The following HIKESHI variants were observed in gnomAD, a reference collection of about 807,000 sequenced individuals.
The protein encoded by HIKESHI is heat shock protein nuclear import factor hikeshi, also known as protein Hikeshi.
In HIKESHI, 13 loss-of-function variants were observed where a neutral mutation model predicts 25.7. The ratio of observed to expected loss-of-function variants is 0.51; its 90% CI spans 0.33 to 0.80. The LOEUF (loss-of-function observed/expected upper bound fraction) is 0.80. Among genes scored for constraint, HIKESHI ranks in the 30% least tolerant of loss-of-function variants. The pLI is 0.02. For missense variants in HIKESHI, 174 were observed against 229.5 expected, an observed-to-expected ratio of 0.76 and a Z score of 1.56; for synonymous variants, 76 against 78.7, an observed-to-expected ratio of 0.97 and a Z score of 0.18.
chr11:86,335,733 A>G lies in HIKESHI; in HGVS notation c.269-1646A>G, dbSNP rs373782572. Among the ~76,000 whole-genome samples the G allele has an allele frequency of 1.1e-4, 16 of 152,354 alleles. No individual in the cohort carries two copies. In the South Asian group the frequency reaches 2.9e-3, roughly 28 times the overall value. ...CACTGGCCACACATAACAAAGAAAC[A>G]GACTTTACAAAATTAGTTCAGATAA... On this transcript the variant is annotated intron_variant, in intron 2 of 4. Transcript: ENST00000278483.
intron 2 of HIKESHI, among the ~76,000 whole-genome samples, chr11:86,319,145 C>T (rs1310977004): frequency 6.6e-6 from 1 of 150,560 alleles, no homozygotes; most frequent in Non-Finnish European, 1.5e-5. Context: ...TTCCTGGCCT[C>T]AGGTGATCCT....
At chr11:86,306,224 G>T (rs778911484) in intron 1 of HIKESHI, 21 bp from the exon 2 acceptor site, 1 of 1,544,264 alleles carries the variant, frequency 6.5e-7, no homozygotes, top group Non-Finnish European at 8.9e-7. Context: ...ATTGAACTGA[G>T]ACAAGTTTCT....
intron 2 of HIKESHI, among the ~76,000 whole-genome samples, chr11:86,317,665 G>A (rs1947024601): frequency 6.6e-6 from 1 of 152,008 alleles, no homozygotes; most frequent in South Asian, 2.1e-4. Context: ...AATTAGCTTG[G>A]TGTGGTGGTG....
chr11:86,308,229 AT>A (rs1480573986), intron 2 of HIKESHI, among the ~76,000 whole-genome samples: 6 of 139,164 alleles, frequency 4.3e-5, no homozygotes, highest in South Asian at 4.3e-4. Flanking sequence ...TACATATAAA[AT>A]ATATATTATA....
intron 3 of HIKESHI, among the ~76,000 whole-genome samples, chr11:86,340,274 G>A (rs1401365875): frequency 1.3e-5 from 2 of 152,178 alleles, no homozygotes; most frequent in Non-Finnish European, 2.9e-5. Context: ...CCAGTAATGG[G>A]ATCACTGGGT....
At chr11:86,320,656 T>C (rs1947123191) in intron 2 of HIKESHI, among the ~76,000 whole-genome samples, 1 of 152,230 alleles carries the variant, frequency 6.6e-6, no homozygotes, top group African/African-American at 2.4e-5. Context: ...ACACAGTTAA[T>C]TGCACATATT....
intron 2 of HIKESHI, among the ~76,000 whole-genome samples, chr11:86,326,882 G>A (rs1331669733): frequency 6.6e-6 from 1 of 152,176 alleles, no homozygotes; most frequent in African/African-American, 2.4e-5. Context: ...TCATGCTAAT[G>A]TGGGGTTTAA....
intron 2 of HIKESHI, among the ~76,000 whole-genome samples, chr11:86,336,522 C>G (rs914965197): frequency 6.6e-6 from 1 of 152,088 alleles, no homozygotes; most frequent in African/African-American, 2.4e-5. Flanking sequence ...ACTGTCTGAA[C>G]CAGAAAATGG....
intron 2 of HIKESHI, among the ~76,000 whole-genome samples, chr11:86,308,150 GTATAAAATATATATTACA>G (rs1251922280): frequency 5.2e-4 from 24 of 46,334 alleles, no homozygotes; most frequent in African/African-American, 1.4e-3. Context: ...AATATATATT[GTATAAAATATATATTACA>G]TATAAAATAT....
chr11:86,338,434 A>T (rs1418979815), intron 3 of HIKESHI, among the ~76,000 whole-genome samples: 1 of 152,218 alleles, frequency 6.6e-6, no homozygotes, highest in Non-Finnish European at 1.5e-5. Flanking sequence ...ATATGGGTAC[A>T]GATTCAGGAG....
Position 86,302,422 on chromosome 11 carries a change from T to A in HIKESHI, c.-27T>A, listed in dbSNP as rs1418355213. ...CTCCTAGTCGCCGGCTTCAGGTCACTGCCGGCTGAACGGAGCTGCCGTCGC... is the reference window on the plus strand; with the variant it reads ...CTCCTAGTCGCCGGCTTCAGGTCACAGCCGGCTGAACGGAGCTGCCGTCGC... On this transcript the variant is annotated 5_prime_UTR_variant, in exon 1 of 5. Coordinates refer to ENST00000278483, the MANE Select transcript of HIKESHI (RefSeq NM_016401.4). 6.4e-7 allele frequency: 1 copy of A among 1,551,786 alleles called. No homozygotes were observed. The highest frequency in any genetic ancestry group is 1.4e-5 in the African/African-American group (1 of 73,090).
At position 86,306,281 on chromosome 11, in the gene HIKESHI, T is replaced by C; in HGVS notation, c.67T>C (p.Phe23Leu). The C allele has an allele frequency of 6.2e-7, 1 of 1,613,902 alleles. No individual in the cohort carries two copies. Among genetic ancestry groups the C allele is most frequent in the Non-Finnish European group, 8.5e-7 (1 of 1,179,792 alleles). Reference protein sequence around the residue: ...TAAQQVAEDKFVFDLPDYESI... With the variant: ...TAAQQVAEDKLVFDLPDYESI... Reference sequence around the variant, plus strand: ...TGCACAGCAAGTGGCAGAGGATAAATTTGTTTTTGACTTACCTGATTATGA... The same window carrying C: ...TGCACAGCAAGTGGCAGAGGATAAACTTGTTTTTGACTTACCTGATTATGA... The change falls in exon 2 of 5, where the codon TTT (phenylalanine) becomes CTT (leucine). Residue 23 changes from phenylalanine (F) to leucine (L), a missense_variant. Phe to Leu is a conservative substitution (Grantham distance 22, BLOSUM62 0). Transcript: ENST00000278483.
At chr11:86,309,540 A>T (rs1946775815) in intron 2 of HIKESHI, among the ~76,000 whole-genome samples, 1 of 152,220 alleles carries the variant, frequency 6.6e-6, no homozygotes, top group Non-Finnish European at 1.5e-5. Context: ...CTCTGATGGT[A>T]GTTTCTTTTG....
chr11:86,343,053 C>G (rs1323236152), intron 3 of HIKESHI, among the ~76,000 whole-genome samples: 1 of 152,078 alleles, frequency 6.6e-6, no homozygotes, highest in African/African-American at 2.4e-5. Context: ...CATTGTCTTT[C>G]CATATGTGAC....
Position 86,306,255 on chromosome 11 carries a change from C to A in HIKESHI, c.41C>A (p.Ala14Asp), listed in dbSNP as rs1490321186. 1.2e-6 allele frequency: 2 copies of A among 1,612,018 alleles called. No individual in the cohort carries two copies. The highest frequency in any genetic ancestry group is 1.7e-6 in the Non-Finnish European group (2 of 1,178,260). The change falls in exon 2 of 5, where the codon GCT (alanine) becomes GAT (aspartate). Residue 14 changes from alanine (A) to aspartate (D), a missense_variant. Ala to Asp is a moderately radical substitution (Grantham distance 126). Transcript: ENST00000278483. ...CLVAGRLVQTAAQQVAEDKFV... is the reference protein window; with the variant it reads ...CLVAGRLVQTDAQQVAEDKFV... The stretch of plus-strand genomic sequence containing the variant: ...TTTCTTATTTTCTAGGTGCAAACAG[C>A]TGCACAGCAAGTGGCAGAGGATAAA...
In HIKESHI at chr11:86,337,518, C is replaced by T; in HGVS notation, c.408C>T (p.Asp136=). The change falls in exon 3 of 5, where the codon GAC becomes GAT. Residue 136 remains aspartate (D), a synonymous_variant. Transcript: ENST00000278483. ...PVGNAAVSSV[D]SFTQFTQKML... is the part of the protein sequence containing the mutation. Reference sequence around the variant, plus strand: ...GTAATGCTGCTGTATCCTCAGTTGACTCATTCACTCAGGTAATGCAACATA... The same window carrying T: ...GTAATGCTGCTGTATCCTCAGTTGATTCATTCACTCAGGTAATGCAACATA... The T allele has an allele frequency of 6.2e-7, 1 of 1,612,284 alleles. No homozygotes were observed. The highest frequency in any genetic ancestry group is 8.5e-7 in the Non-Finnish European group (1 of 1,179,498).
At chr11:86,326,623 T>C (rs1051243321) in intron 2 of HIKESHI, 1 of 451,046 alleles carries the variant, frequency 2.2e-6, no homozygotes, top group Non-Finnish European at 4.4e-6. Flanking sequence ...TGAGCTGAGA[T>C]AAATGAGAAT....
At chr11:86,345,554 G>T in intron 4 of HIKESHI, 30 bp from the exon 5 acceptor site, 1 of 1,329,946 alleles carries the variant, frequency 7.5e-7, no homozygotes, top group East Asian at 2.4e-5. Flanking sequence ...ATTTTCTTGT[G>T]AATGTAAATA....
At position 86,337,441 on chromosome 11, in the gene HIKESHI, A is replaced by T. The variant is rs1194645385; in HGVS notation, c.331A>T (p.Ile111Phe). The T allele has an allele frequency of 6.2e-7, 1 of 1,613,912 alleles. No homozygotes were observed. Among genetic ancestry groups the T allele is most frequent in the African/African-American group, 1.3e-5 (1 of 74,924 alleles). The part of the protein sequence containing the change: ...NIVRTPSVAQ[I>F]GISVELLDSM... Reference sequence around the variant, plus strand: ...TGTCCGAACTCCATCTGTTGCTCAGATTGGAATTTCAGTGGAATTATTAGA... The same window carrying T: ...TGTCCGAACTCCATCTGTTGCTCAGTTTGGAATTTCAGTGGAATTATTAGA... Residue 111 changes from isoleucine (I) to phenylalanine (F), a missense_variant, in exon 3 of 5, where the codon ATT becomes TTT. Transcript: ENST00000278483.
Sources: gnomAD v4.1 joint callset for allele counts (sites outside exome capture counted in the v4.1 genomes callset) on GRCh38, gnomAD v4.1.1 for gene constraint, MANE v1.5 for transcripts, NCBI Gene and HGNC (gene_info 2026-07-23, HGNC 2026-07-21) for gene names.